COL8A1: variants seen among roughly 807,000 people sequenced by gnomAD.
COL8A1 encodes the protein collagen type VIII alpha 1 chain.
Under a neutral mutation model 42.7 loss-of-function variants are expected in COL8A1, and 21 were observed. That is an observed-to-expected ratio of 0.49 (90% CI 0.35 to 0.71). COL8A1 has a LOEUF of 0.71. Ranked by LOEUF, COL8A1 falls within the 30% of genes least tolerant of loss-of-function variation. COL8A1 has a pLI of 0.01. For synonymous variants in COL8A1, 367 were observed against 369.1 expected, an observed-to-expected ratio of 0.99 and a Z score of 0.06; for missense variants, 788 against 962.4, an observed-to-expected ratio of 0.82 and a Z score of 2.40.
At chr3:99,790,594 T>C (rs1941982310) in intron 2 of COL8A1, 86 bp from the exon 3 acceptor site, 1 of 1,081,586 alleles carries the variant, frequency 9.2e-7, no homozygotes. Flanking sequence ...TGTTTCCCTT[T>C]TTTTTCCCCA....
At chr3:99,749,383 T>C (rs1301246893) in intron 2 of COL8A1, among the ~76,000 whole-genome samples, 1 of 151,306 alleles carries the variant, frequency 6.6e-6, no homozygotes, top group Non-Finnish European at 1.5e-5. Flanking sequence ...CAACCTATCA[T>C]GACAGTGTAA....
At chr3:99,737,103 T>C (rs1031559535) in intron 1 of COL8A1, among the ~76,000 whole-genome samples, 6 of 152,204 alleles carry the variant, frequency 3.9e-5, no homozygotes, top group African/African-American at 9.7e-5. Context: ...TCCTCCATCC[T>C]TTTATTTTGA....
chr3:99,649,975 C>T (rs529938308), intron 1 of COL8A1, among the ~76,000 whole-genome samples: 2 of 152,222 alleles, frequency 1.3e-5, no homozygotes, highest in East Asian at 3.9e-4. Flanking sequence ...TAGTACCCTG[C>T]TCAAAAGGAT....
intron 1 of COL8A1, among the ~76,000 whole-genome samples, chr3:99,649,164 C>A (rs1937754747): frequency 6.6e-6 from 1 of 152,020 alleles, no homozygotes; most frequent in Admixed American, 6.6e-5. Flanking sequence ...ATGCCTGAAA[C>A]CAGCCTAACC....
At chr3:99,711,687 T>C (rs1426428926) in intron 1 of COL8A1, among the ~76,000 whole-genome samples, 2 of 152,108 alleles carry the variant, frequency 1.3e-5, no homozygotes, top group African/African-American at 4.8e-5. Context: ...CAGAATCACA[T>C]CACGGCTTAG....
At chr3:99,750,043 T>C (rs1941109250) in intron 2 of COL8A1, among the ~76,000 whole-genome samples, 1 of 144,282 alleles carries the variant, frequency 6.9e-6, no homozygotes, top group Non-Finnish European at 1.5e-5. Context: ...TTTTTCTTTT[T>C]TTCTTCTTTT....
At chr3:99,674,598 A>G (rs1938638259) in intron 1 of COL8A1, among the ~76,000 whole-genome samples, 1 of 152,048 alleles carries the variant, frequency 6.6e-6, no homozygotes, top group South Asian at 2.1e-4. Flanking sequence ...GGTAAAAGCA[A>G]CAACACTCAC....
At chr3:99,641,907 G>A (rs1037339318) in intron 1 of COL8A1, among the ~76,000 whole-genome samples, 1 of 152,166 alleles carries the variant, frequency 6.6e-6, no homozygotes, top group Non-Finnish European at 1.5e-5. Flanking sequence ...GAGGAGAGGA[G>A]AATTAAGGGG....
chr3:99,744,030 G>A (rs964842332), intron 1 of COL8A1, among the ~76,000 whole-genome samples: 8 of 151,424 alleles, frequency 5.3e-5, no homozygotes, highest in South Asian at 2.1e-4. Context: ...CCAGGTTCAC[G>A]CCATTCTCCT....
At chr3:99,663,733 G>A (rs1938278369) in intron 1 of COL8A1, among the ~76,000 whole-genome samples, 1 of 152,126 alleles carries the variant, frequency 6.6e-6, no homozygotes, top group African/African-American at 2.4e-5. Flanking sequence ...TTCCCATGGA[G>A]AGAGAGAGAT....
Position 99,681,419 on chromosome 3 carries a change from A to G in COL8A1, c.-129+42755A>G, listed in dbSNP as rs1284178015. Among the ~76,000 whole-genome samples the G allele has an allele frequency of 2.0e-5, 3 of 152,244 alleles. No homozygotes were observed. The East Asian group carries it at 5.8e-4, about 29-fold the overall frequency. ...TTTCCATCCGTAAAATTTTCACACC[A>G]GTGGCCTTGTTCCATAGGGTCCAAA... is the stretch of plus-strand genomic sequence containing the variant. On this transcript the variant is annotated intron_variant, in intron 1 of 3. Coordinates refer to ENST00000652472, the MANE Select transcript of COL8A1 (RefSeq NM_020351.4).
intron 1 of COL8A1, among the ~76,000 whole-genome samples, chr3:99,640,794 A>T (rs1260678573): frequency 6.6e-6 from 1 of 152,138 alleles, no homozygotes; most frequent in African/African-American, 2.4e-5. Flanking sequence ...TCGAAGTTTC[A>T]TGTAGTCGCC....
rs142500511 is a variant in COL8A1 at position 99,789,390 on chromosome 3, C to T, written c.-3-1290C>T. On this transcript the variant is annotated intron_variant, in intron 2 of 3. Transcript: ENST00000652472. ...TGAGAAATTTGCCACTTCTCTCTCT[C>T]TCTCTCCAGCATTATGATGACATGT... Among the ~76,000 whole-genome samples the T allele has an allele frequency of 7.5e-3, 1,147 of 152,320 alleles. 4 individuals are homozygous for T. Among genetic ancestry groups the T allele is most frequent in the African/African-American group, 0.011 (466 of 41,570 alleles).
In COL8A1 at chr3:99,797,907, A is replaced by C. The variant is rs1942132161; in HGVS notation, c.*1771A>C. On this transcript the variant is annotated 3_prime_UTR_variant, in exon 4 of 4. Coordinates refer to ENST00000652472, the MANE Select transcript of COL8A1 (RefSeq NM_020351.4). ...ACATACTAACTGCTTTGGGCATTCT[A>C]ATCTGGTCTCCAAACACCAAAGACC... The C allele has an allele frequency of 6.6e-6, 1 of 152,192 alleles. No individual in the cohort carries two copies. The highest frequency in any genetic ancestry group is 1.5e-5 in the Non-Finnish European group (1 of 68,032). The allele number at this position is 152,192 out of a possible 1,614,324, so 9.4% of individuals were successfully genotyped here.
intron 1 of COL8A1, among the ~76,000 whole-genome samples, chr3:99,670,779 C>T (rs1414389926): frequency 6.6e-6 from 1 of 152,026 alleles, no homozygotes; most frequent in African/African-American, 2.4e-5. Flanking sequence ...ATACCCTCAG[C>T]CCCTGCTAAC....
chr3:99,796,335 C>T lies in COL8A1; in HGVS notation c.*199C>T, dbSNP rs948250196. On this transcript the variant is annotated 3_prime_UTR_variant, in exon 4 of 4. Transcript: ENST00000652472. ...TACTCCACACAGCAGCCTGTAATTG[C>T]GAATGATGGGATAGAGTTATGTATC... The T allele has an allele frequency of 3.7e-5, 17 of 453,998 alleles. 1 individual carries two copies. Among genetic ancestry groups the T allele is most frequent in the African/African-American group, 1.4e-4 (7 of 51,674 alleles). 28.1% of individuals were successfully genotyped at this position (453,998 alleles called of 1,614,324 possible). A position where few individuals can be genotyped will look rare whatever the true frequency, so the allele number is the denominator to read the frequency against.
At chr3:99,725,017 T>C (rs1332605737) in intron 1 of COL8A1, among the ~76,000 whole-genome samples, 2 of 152,120 alleles carry the variant, frequency 1.3e-5, no homozygotes, top group African/African-American at 4.8e-5. Flanking sequence ...GATTAAATGA[T>C]GTATAATATA....
chr3:99,670,797 C>G (rs1464178709), intron 1 of COL8A1, among the ~76,000 whole-genome samples: 2 of 151,978 alleles, frequency 1.3e-5, no homozygotes, highest in African/African-American at 4.8e-5. Flanking sequence ...AACTATTATT[C>G]TATTCTCTAC....
At chr3:99,647,234 G>A (rs896541328) in intron 1 of COL8A1, among the ~76,000 whole-genome samples, 12 of 152,178 alleles carry the variant, frequency 7.9e-5, no homozygotes, top group African/African-American at 1.2e-4. Context: ...GATATTCTAC[G>A]GAACAGCTTA....
Sources: allele counts gnomAD v4.1 joint callset (sites outside exome capture counted in the v4.1 genomes callset), GRCh38; gene constraint gnomAD v4.1.1; transcripts MANE v1.5; gene names NCBI Gene and HGNC (gene_info 2026-07-23, HGNC 2026-07-21).